P3H2: variants seen among roughly 807,000 people sequenced by gnomAD.
P3H2 encodes the protein prolyl 3-hydroxylase 2, also known as leprecan-like 1.
Under a neutral mutation model 87.0 loss-of-function variants are expected in P3H2, and 80 were observed. The observed-to-expected ratio is 0.92, with a 90% CI of 0.77 to 1.11. The LOEUF (loss-of-function observed/expected upper bound fraction) is 1.11, where lower values mean the gene tolerates loss of function less well. Ranked by LOEUF, P3H2 falls within the 50% of genes least tolerant of loss-of-function variation. P3H2 has a pLI of 0.00. For synonymous variants in P3H2, 367 were observed against 359.3 expected, an observed-to-expected ratio of 1.02 and a Z score of -0.24; for missense variants, 1,001 against 923.9, an observed-to-expected ratio of 1.08 and a Z score of -1.08.
intron 1 of P3H2, among the ~76,000 whole-genome samples, chr3:190,095,254 C>T (rs1417608376): frequency 6.9e-6 from 1 of 143,900 alleles, no homozygotes; most frequent in East Asian, 2.0e-4. Context: ...CACACCTATA[C>T]ACAGGAACTT....
intron 1 of P3H2, among the ~76,000 whole-genome samples, chr3:190,040,513 C>G (rs1484121624): frequency 6.6e-6 from 1 of 152,148 alleles, no homozygotes; most frequent in Non-Finnish European, 1.5e-5. Context: ...CTAAGGGCAC[C>G]AGATATACGA....
chr3:189,969,941 G>A (rs1031435810), intron 13 of P3H2: 66 of 732,222 alleles, frequency 9.0e-5, no homozygotes, highest in Non-Finnish European at 1.3e-4. Flanking sequence ...GGCAGCAGTC[G>A]AAAATATATT....
intron 1 of P3H2, among the ~76,000 whole-genome samples, chr3:190,001,413 A>G (rs1724213859): frequency 6.6e-6 from 1 of 152,180 alleles, no homozygotes; most frequent in Non-Finnish European, 1.5e-5. Flanking sequence ...TCAAACATCA[A>G]CATTTTCAAT....
chr3:189,959,860 A>ATGTGTGTGTGTGTGTG (rs75204350), intron 14 of P3H2, among the ~76,000 whole-genome samples: 14 of 134,794 alleles, frequency 1.0e-4, no homozygotes, highest in African/African-American at 3.8e-4. Flanking sequence ...TGGAGGAGAT[A>ATGTGTGTGTGTGTGTG]TGTGTGTGTG....
intron 1 of P3H2, among the ~76,000 whole-genome samples, chr3:190,004,680 C>T (rs1206277600): frequency 2.0e-5 from 3 of 152,162 alleles, no homozygotes; most frequent in Non-Finnish European, 1.5e-5. Flanking sequence ...CCGCGCCTGG[C>T]CACGAACAAT....
intron 1 of P3H2, among the ~76,000 whole-genome samples, chr3:190,044,119 G>A (rs1000647888): frequency 1.3e-5 from 2 of 152,120 alleles, no homozygotes; most frequent in South Asian, 2.1e-4. Flanking sequence ...GGTCAAATAA[G>A]TGTTTCTTTA....
At chr3:189,978,061 C>G (rs1166360122) in intron 8 of P3H2, among the ~76,000 whole-genome samples, 1 of 152,082 alleles carries the variant, frequency 6.6e-6, no homozygotes, top group Non-Finnish European at 1.5e-5. Flanking sequence ...ATATTCCATT[C>G]CAATTTAGAA....
At position 190,010,375 on chromosome 3, in the gene P3H2, T is replaced by C. The variant is rs77324841; in HGVS notation, c.481-14933A>G. On this transcript the variant is annotated intron_variant, in intron 1 of 14. Coordinates refer to ENST00000319332, the MANE Select transcript of P3H2 (RefSeq NM_018192.4). Reference sequence around the variant, plus strand: ...CCCAAAATTCTTATGTACTAACAACTAGTATTTTAGAATATGGCTGTATTT... The same window carrying C: ...CCCAAAATTCTTATGTACTAACAACCAGTATTTTAGAATATGGCTGTATTT... Among the ~76,000 whole-genome samples, 939 of 152,276 alleles carry C rather than the reference T, an allele frequency of 6.2e-3. 7 individuals carry two copies. The highest frequency in any genetic ancestry group is 0.022 in the African/African-American group (910 of 41,542).
At chr3:190,047,304 C>A (rs1301264955) in intron 1 of P3H2, among the ~76,000 whole-genome samples, 1 of 152,050 alleles carries the variant, frequency 6.6e-6, no homozygotes, top group Non-Finnish European at 1.5e-5. Flanking sequence ...ACTATGGAAA[C>A]CAATATGGAA....
At chr3:190,068,600 A>G (rs1258402527) in intron 1 of P3H2, among the ~76,000 whole-genome samples, 1 of 152,212 alleles carries the variant, frequency 6.6e-6, no homozygotes, top group African/African-American at 2.4e-5. Flanking sequence ...CATAGAGTAA[A>G]TCTATGTAGG....
In P3H2 at chr3:189,957,273, G is replaced by A. The variant is rs367723427; in HGVS notation, c.*639C>T. On this transcript the variant is annotated 3_prime_UTR_variant, in exon 15 of 15. Coordinates refer to ENST00000319332, the MANE Select transcript of P3H2 (RefSeq NM_018192.4). ...AAAGTGGAGCTCACTTTGGAGAGTC[G>A]GAGCTCATGGCCGTTAGCACCTAAG... The A allele has an allele frequency of 1.9e-4, 76 of 399,434 alleles. No homozygotes were observed. The highest frequency in any genetic ancestry group is 2.8e-4 in the Non-Finnish European group (63 of 226,904). The allele number at this position is 399,434 out of a possible 1,614,324, so 24.7% of individuals were successfully genotyped here.
chr3:190,029,559 CA>C lies in P3H2; in HGVS notation c.481-34118del, dbSNP rs372515770. Among the ~76,000 whole-genome samples the C allele has an allele frequency of 5.2e-3, 786 of 151,240 alleles. 9 individuals carry two copies. Among genetic ancestry groups the C allele is most frequent in the African/African-American group, 0.019 (765 of 41,230 alleles). On this transcript the variant is annotated intron_variant, in intron 1 of 14. Coordinates refer to ENST00000319332, the MANE Select transcript of P3H2 (RefSeq NM_018192.4). ...AATGCACTTGATATAATTTCTGACT[CA>C]AAAAAACATGCTTAATAATTAAATA...
intron 1 of P3H2, among the ~76,000 whole-genome samples, chr3:190,049,866 G>A (rs932589456): frequency 8.5e-5 from 13 of 152,166 alleles, no homozygotes; most frequent in African/African-American, 2.9e-4. Flanking sequence ...GAAAAACTGA[G>A]GGGCTTAAAT....
intron 1 of P3H2, among the ~76,000 whole-genome samples, chr3:190,057,782 C>A (rs557201942): frequency 6.6e-6 from 1 of 152,146 alleles, no homozygotes; most frequent in African/African-American, 2.4e-5. Flanking sequence ...TCCATCGAAA[C>A]ATGGGAGTGA....
intron 1 of P3H2, among the ~76,000 whole-genome samples, chr3:190,002,396 TTTTTC>T (rs1171269699): frequency 6.6e-6 from 1 of 151,720 alleles, no homozygotes; most frequent in South Asian, 2.1e-4. Context: ...CTTTCTTTCT[TTTTTC>T]TTTTCTTTTT....
At chr3:190,083,796 A>G (rs887345502) in intron 1 of P3H2, among the ~76,000 whole-genome samples, 1 of 152,200 alleles carries the variant, frequency 6.6e-6, no homozygotes, top group African/African-American at 2.4e-5. Context: ...TCTCGGCTAC[A>G]TGAGACAACA....
intron 1 of P3H2, among the ~76,000 whole-genome samples, chr3:190,010,447 AG>A: frequency 6.6e-6 from 1 of 152,348 alleles, no homozygotes; most frequent in East Asian, 1.9e-4. Flanking sequence ...TGAGGCCATA[AG>A]GGTGGGCCCT....
At chr3:190,081,336 G>T (rs892367138) in intron 1 of P3H2, among the ~76,000 whole-genome samples, 1 of 152,060 alleles carries the variant, frequency 6.6e-6, no homozygotes, top group Non-Finnish European at 1.5e-5. Context: ...TCTTACTTTG[G>T]TATATAATTA....
chr3:190,058,640 T>C (rs1231515392), intron 1 of P3H2, among the ~76,000 whole-genome samples: 1 of 152,170 alleles, frequency 6.6e-6, no homozygotes, highest in Non-Finnish European at 1.5e-5. Context: ...TACTGGAAGC[T>C]GTGGGCAGAA....
Sources: gnomAD v4.1 joint callset for allele counts (sites outside exome capture counted in the v4.1 genomes callset) on GRCh38, gnomAD v4.1.1 for gene constraint, MANE v1.5 for transcripts, NCBI Gene and HGNC (gene_info 2026-07-23, HGNC 2026-07-21) for gene names.